MAPK8IP3: variants seen among roughly 807,000 people sequenced by gnomAD.
The protein encoded by MAPK8IP3 is C-Jun-amino-terminal kinase-interacting protein 3.
MAPK8IP3 carries 49 observed loss-of-function variants against 157.8 expected under a neutral mutation model. The observed-to-expected ratio is 0.31, with a 90% CI of 0.25 to 0.39. The LOEUF is 0.39. Ranked by LOEUF, MAPK8IP3 falls within the 10% of genes least tolerant of loss-of-function variation. The pLI, the probability that MAPK8IP3 is intolerant of heterozygous loss-of-function variation, is 1.00. For missense variants in MAPK8IP3, 1,478 were observed against 1,889.4 expected (o/e 0.78, Z 4.04); for synonymous variants, 897 against 777.7 (o/e 1.15, Z -2.55).
chr16:1,743,382 C>G lies in MAPK8IP3; in HGVS notation c.653C>G (p.Thr218Arg), dbSNP rs35721965. 3.2e-4 allele frequency: 509 copies of G among 1,575,560 alleles called. 1 individual carries two copies. The highest frequency in any genetic ancestry group is 4.2e-4 in the Non-Finnish European group (492 of 1,164,790). Residue 218 changes from threonine (T) to arginine (R), a missense_variant, in exon 5 of 32, where the codon ACG becomes AGG. Around this residue, in one of 11 missense-constraint regions of MAPK8IP3, gnomAD observed 315 missense variants for 394.4 expected, o/e 0.80. Transcript: ENST00000610761. This position sits in a 1 kb window ranked among gnomAD's most constrained non-coding sequence, Gnocchi z 5.6. The stretch of plus-strand genomic sequence containing the variant: ...AACGTGTTCCCCCTGGCTGACGGCA[C>G]GGTACGTGCACAGATCGGGGGCAAG... Reference protein sequence around the residue: ...SLNVFPLADGTVRAQIGGKLV... With the variant: ...SLNVFPLADGRVRAQIGGKLV...
At chr16:1,748,859 C>T (rs1285949575) in intron 8 of MAPK8IP3, 139 bp downstream of exon 8, 5 of 823,180 alleles carry the variant, frequency 6.1e-6, no homozygotes, top group Admixed American at 1.7e-5. Flanking sequence ...TGTTGAGTTG[C>T]GTTTCACATG....
In MAPK8IP3 at chr16:1,706,806, C is replaced by T. The variant is rs1253936950; in HGVS notation, c.318+149C>T. On this transcript the variant is annotated intron_variant, in intron 1 of 31. Transcript: ENST00000610761. The surrounding 1 kb of genome is among the most constrained non-coding windows in gnomAD (Gnocchi z 5.1). Reference sequence around the variant, plus strand: ...GACCCCCAGACCCCGCCCCGAGACCCGCCTGGACCCCATATCCCCCGCCCC... The same window carrying T: ...GACCCCCAGACCCCGCCCCGAGACCTGCCTGGACCCCATATCCCCCGCCCC... 2.4e-6 allele frequency: 2 copies of T among 820,444 alleles called. No individual in the cohort carries two copies. The highest frequency in any genetic ancestry group is 1.9e-5 in the African/African-American group (1 of 53,718). The allele number at this position is 820,444 out of a possible 1,614,324, so 50.8% of individuals were successfully genotyped here. A position where few individuals can be genotyped will look rare whatever the true frequency, so the allele number is the denominator to read the frequency against.
At chr16:1,718,907 C>T (rs1001295521) in intron 1 of MAPK8IP3, among the ~76,000 whole-genome samples, 4 of 152,098 alleles carry the variant, frequency 2.6e-5, no homozygotes, top group East Asian at 1.9e-4. Context: ...TCACTGAAAA[C>T]GACTCAACAT....
At chr16:1,747,432 G>T (rs1030034444) in intron 6 of MAPK8IP3, among the ~76,000 whole-genome samples, 157 bp downstream of exon 6, 37 of 152,238 alleles carry the variant, frequency 2.4e-4, no homozygotes, top group African/African-American at 8.2e-4. Flanking sequence ...GCGCTGGCAG[G>T]GTAGGTTCCT....
chr16:1,744,646 C>G, intron 5 of MAPK8IP3: 2 of 985,530 alleles, frequency 2.0e-6, no homozygotes, highest in Non-Finnish European at 2.4e-6. Flanking sequence ...CCATAGGCAT[C>G]TGAAGACACG....
chr16:1,745,535 G>A (rs2040910952), intron 5 of MAPK8IP3: 1 of 152,426 alleles, frequency 6.6e-6, no homozygotes, highest in African/African-American at 2.4e-5. Context: ...GCCACTCCGG[G>A]AGGCGGGCTG....
intron 2 of MAPK8IP3, among the ~76,000 whole-genome samples, chr16:1,726,189 C>T (rs12922644): frequency 0.075 from 11,426 of 152,246 alleles, 457 homozygotes; most frequent in African/African-American, 0.098. Context: ...AGGGTGACCA[C>T]GGTGGCAGCT....
chr16:1,740,377 T>C (rs963477598), intron 4 of MAPK8IP3, among the ~76,000 whole-genome samples: 12 of 151,364 alleles, frequency 7.9e-5, no homozygotes, highest in African/African-American at 2.9e-4. Flanking sequence ...TGTGTGACCG[T>C]CCGTGTAAGC....
chr16:1,763,086 C>T, intron 16 of MAPK8IP3, 80 bp downstream of exon 16: 1 of 1,569,802 alleles, frequency 6.4e-7, no homozygotes, highest in Admixed American at 1.7e-5. Context: ...CCTCCAGGCC[C>T]TGAAGCGGGA....
rs372199059 is a variant in MAPK8IP3 at position 1,758,131 on chromosome 16, G to A, written c.1217-17G>A. On this transcript the variant is annotated splice_polypyrimidine_tract_variant and intron_variant, in intron 8 of 31. Coordinates refer to ENST00000610761, the MANE Select transcript of MAPK8IP3 (RefSeq NM_001318852.2). Reference sequence around the variant, plus strand: ...CCTTCCTTCCCCTGCCTCTCTGTGCGTCGCTGGACTCGCCAGGGGAGTTCT... The same window carrying A: ...CCTTCCTTCCCCTGCCTCTCTGTGCATCGCTGGACTCGCCAGGGGAGTTCT... 49 of 1,613,266 alleles carry A rather than the reference G, an allele frequency of 3.0e-5. No homozygotes were observed. The highest frequency in any genetic ancestry group is 1.1e-4 in the African/African-American group (8 of 74,896).
chr16:1,716,901 T>TA (rs988335023), intron 1 of MAPK8IP3, among the ~76,000 whole-genome samples: 3 of 151,056 alleles, frequency 2.0e-5, no homozygotes, highest in African/African-American at 4.9e-5. Flanking sequence ...TTACTAAAAA[T>TA]AAAAAAAATT....
At chr16:1,753,556 T>G (rs569310897) in intron 8 of MAPK8IP3, among the ~76,000 whole-genome samples, 92 of 152,108 alleles carry the variant, frequency 6.0e-4, no homozygotes, top group South Asian at 8.3e-4. Flanking sequence ...TTCTCCTGCC[T>G]CAGCCTCCCG....
chr16:1,763,578 C>A, intron 16 of MAPK8IP3, 79 bp from the exon 17 acceptor site: 2 of 1,390,758 alleles, frequency 1.4e-6, no homozygotes, highest in South Asian at 1.7e-5. Context: ...CCTGCCGTGA[C>A]CTCCCCCAGG....
chr16:1,733,564 G>A (rs2039454320), intron 4 of MAPK8IP3, among the ~76,000 whole-genome samples: 1 of 152,222 alleles, frequency 6.6e-6, no homozygotes, highest in Admixed American at 6.5e-5. Context: ...AGGTGGCCCA[G>A]GAACCTGCTG....
intron 1 of MAPK8IP3, among the ~76,000 whole-genome samples, chr16:1,718,170 T>G (rs551194731): frequency 1.3e-5 from 2 of 150,780 alleles, no homozygotes; most frequent in Non-Finnish European, 2.9e-5. Flanking sequence ...CTTGGTTCTC[T>G]TAAATCAGAA....
At chr16:1,722,490 C>T (rs932591965) in intron 1 of MAPK8IP3, among the ~76,000 whole-genome samples, 3 of 152,112 alleles carry the variant, frequency 2.0e-5, no homozygotes, top group Non-Finnish European at 2.9e-5. Context: ...TGGCCACTAC[C>T]CATGGATCTT....
intron 1 of MAPK8IP3, among the ~76,000 whole-genome samples, chr16:1,716,130 A>G (rs1258954881): frequency 1.3e-5 from 2 of 152,134 alleles, no homozygotes; most frequent in Non-Finnish European, 2.9e-5. Context: ...TTTCCTGGCC[A>G]TTGCTCTGAC....
At chr16:1,748,782 GTT>G (rs1268621264) in intron 8 of MAPK8IP3, 62 bp downstream of exon 8, 5 of 1,443,102 alleles carry the variant, frequency 3.5e-6, no homozygotes, top group Non-Finnish European at 4.9e-6. Flanking sequence ...TCTGCTGTTG[GTT>G]TTGTTTGTAA....
In MAPK8IP3 at chr16:1,737,738, G is replaced by T. The variant is rs546600879; in HGVS notation, c.603-5594G>T. 8.0e-4 allele frequency among the ~76,000 whole-genome samples: 57 copies of T among 71,406 alleles called. 6 individuals carry two copies. Among genetic ancestry groups the T allele is most frequent in the Non-Finnish European group, 1.2e-3 (48 of 41,688 alleles). 46.8% of individuals were successfully genotyped at this position (71,406 alleles called of 152,430 possible). Reference sequence around the variant, plus strand: ...TGTGACCGTCCGTGTGAGCATCCGTGTGAGCGTGACCATCCGTGTGTGTGA... The same window carrying T: ...TGTGACCGTCCGTGTGAGCATCCGTTTGAGCGTGACCATCCGTGTGTGTGA... On this transcript the variant is annotated intron_variant, in intron 4 of 31. Coordinates refer to ENST00000610761, the MANE Select transcript of MAPK8IP3 (RefSeq NM_001318852.2).
Sources: allele counts gnomAD v4.1 joint callset (sites outside exome capture counted in the v4.1 genomes callset), GRCh38; gene constraint gnomAD v4.1.1; regional missense constraint gnomAD v4.1.1; non-coding constraint Gnocchi (gnomAD v3.1); transcripts MANE v1.5; gene names NCBI Gene and HGNC (gene_info 2026-07-23, HGNC 2026-07-21).